NRG3: variants seen among roughly 807,000 people sequenced by gnomAD.
NRG3 encodes pro-neuregulin-3, membrane-bound isoform.
In NRG3, 31 loss-of-function variants were observed where a neutral mutation model predicts 66.9. That is an observed-to-expected ratio of 0.46 (90% confidence interval 0.35 to 0.63). The LOEUF (loss-of-function observed/expected upper bound fraction) is 0.63. NRG3 is among the 20% of genes least tolerant of loss of function. The pLI is 0.00. For missense variants in NRG3, 910 were observed against 878.9 expected, an observed-to-expected ratio of 1.04 and a Z score of -0.45; for synonymous variants, 393 against 359.4, an observed-to-expected ratio of 1.09 and a Z score of -1.06.
At chr10:82,943,364 A>C (rs1848732838) in intron 4 of NRG3, among the ~76,000 whole-genome samples, 1 of 152,192 alleles carries the variant, frequency 6.6e-6, no homozygotes, top group South Asian at 2.1e-4. Context: ...GAGTTGGCTC[A>C]GGGTAAGGGG....
At chr10:82,613,015 G>C (rs1294720593) in intron 2 of NRG3, among the ~76,000 whole-genome samples, 1 of 152,128 alleles carries the variant, frequency 6.6e-6, no homozygotes, top group Non-Finnish European at 1.5e-5. Flanking sequence ...TAGCTACTTA[G>C]ATGACAGAGT....
At chr10:82,763,846 T>A (rs936719673) in intron 3 of NRG3, among the ~76,000 whole-genome samples, 2 of 152,212 alleles carry the variant, frequency 1.3e-5, no homozygotes, top group African/African-American at 4.8e-5. Flanking sequence ...AGACTTCATG[T>A]AGAAAAAAAG....
chr10:82,063,809 G>C (rs1255582356), intron 1 of NRG3, among the ~76,000 whole-genome samples: 1 of 152,186 alleles, frequency 6.6e-6, no homozygotes, highest in East Asian at 1.9e-4. Context: ...GGGAGAGCAA[G>C]TCCCTCCCAC....
chr10:82,245,693 A>C (rs1460225484), intron 1 of NRG3, among the ~76,000 whole-genome samples: 1 of 152,194 alleles, frequency 6.6e-6, no homozygotes, highest in Non-Finnish European at 1.5e-5. Flanking sequence ...AAAAACATTC[A>C]ATTAATAGCA....
At chr10:82,935,697 A>G (rs1272521910) in intron 4 of NRG3, among the ~76,000 whole-genome samples, 2 of 152,038 alleles carry the variant, frequency 1.3e-5, no homozygotes, top group Non-Finnish European at 2.9e-5. Flanking sequence ...GATCTCAGCT[A>G]ACTGAAACCT....
At chr10:82,031,901 A>C (rs976444929) in intron 1 of NRG3, among the ~76,000 whole-genome samples, 2 of 151,924 alleles carry the variant, frequency 1.3e-5, no homozygotes, top group Non-Finnish European at 2.9e-5. Context: ...TTAGCCCTTA[A>C]TTTTCAGAAT....
chr10:82,334,677 G>T (rs2135316351), intron 1 of NRG3, among the ~76,000 whole-genome samples: 2 of 152,232 alleles, frequency 1.3e-5, no homozygotes, highest in South Asian at 2.1e-4. Flanking sequence ...ATATGAGGTG[G>T]ATGCAAATAT....
chr10:82,408,830 A>C (rs573083934), intron 2 of NRG3, among the ~76,000 whole-genome samples: 11 of 152,092 alleles, frequency 7.2e-5, no homozygotes, highest in African/African-American at 2.4e-4. Flanking sequence ...GGAGGAATAC[A>C]TTATTTATTG....
At chr10:82,528,295 C>A (rs997637761) in intron 2 of NRG3, among the ~76,000 whole-genome samples, 1 of 152,138 alleles carries the variant, frequency 6.6e-6, no homozygotes, top group African/African-American at 2.4e-5. Flanking sequence ...AGGGAAGTTA[C>A]ATCTGCTGGC....
chr10:82,960,919 C>T (rs893179031), intron 6 of NRG3, among the ~76,000 whole-genome samples: 3 of 152,078 alleles, frequency 2.0e-5, no homozygotes, highest in African/African-American at 7.2e-5. Context: ...TCTTTTTGGA[C>T]TCAGACCGCC....
At chr10:82,715,528 A>G (rs2134439716) in intron 2 of NRG3, among the ~76,000 whole-genome samples, 1 of 152,302 alleles carries the variant, frequency 6.6e-6, no homozygotes, top group Non-Finnish European at 1.5e-5. Context: ...TCAAATACAT[A>G]TTTACATTCT....
intron 1 of NRG3, among the ~76,000 whole-genome samples, chr10:82,197,284 T>A (rs1176731667): frequency 1.3e-5 from 2 of 152,152 alleles, no homozygotes; most frequent in East Asian, 3.9e-4. Context: ...AAGTCTTATT[T>A]TTTTCAAAGA....
At chr10:82,915,457 T>G (rs12267429) in intron 4 of NRG3, among the ~76,000 whole-genome samples, 54,468 of 152,032 alleles carry the variant, frequency 0.36, 10,188 homozygotes, top group East Asian at 0.53. Flanking sequence ...GATAATTTCA[T>G]ATTTGAAATA....
At chr10:82,438,630 T>A (rs1416105739) in intron 2 of NRG3, among the ~76,000 whole-genome samples, 2 of 152,206 alleles carry the variant, frequency 1.3e-5, no homozygotes, top group Admixed American at 1.3e-4. Context: ...CAATCTGCGC[T>A]TTCTGGGGTT....
intron 2 of NRG3, among the ~76,000 whole-genome samples, chr10:82,517,607 G>GTC (rs771355098): frequency 1.3e-3 from 187 of 140,174 alleles, no homozygotes; most frequent in African/African-American, 4.9e-3. Context: ...TTCACTCCTT[G>GTC]TCTCTCTCTC....
intron 1 of NRG3, among the ~76,000 whole-genome samples, chr10:82,125,018 C>T (rs920250531): frequency 6.6e-6 from 1 of 151,992 alleles, no homozygotes; most frequent in East Asian, 1.9e-4. Flanking sequence ...CCTGTATATT[C>T]TCAATATTCA....
rs531105265 is a variant in NRG3, at chr10:82,279,759, T to C, written c.824-78980T>C. Among the ~76,000 whole-genome samples, 5 of 152,292 alleles carry C rather than the reference T, an allele frequency of 3.3e-5. No individual in the cohort carries two copies. In the East Asian group the frequency reaches 5.8e-4, roughly 18 times the overall value. ...CAGTGAATGCCATGTGTTGATGTGA[T>C]TGATGAATTATAATTAACCTTGGCA... is the stretch of plus-strand genomic sequence containing the variant. On this transcript the variant is annotated intron_variant, in intron 1 of 8. Coordinates refer to ENST00000372141, the MANE Select transcript of NRG3 (RefSeq NM_001010848.4).
chr10:82,128,501 G>A (rs924638324), intron 1 of NRG3, among the ~76,000 whole-genome samples: 1 of 151,988 alleles, frequency 6.6e-6, no homozygotes, highest in Non-Finnish European at 1.5e-5. Context: ...CCATTTAGAG[G>A]TTAGATTATG....
At chr10:82,893,769 A>G in intron 4 of NRG3, among the ~76,000 whole-genome samples, 1 of 152,238 alleles carries the variant, frequency 6.6e-6, no homozygotes, top group East Asian at 1.9e-4. Context: ...GTTTACAGGT[A>G]AATTTATGAA....
Sources: gnomAD v4.1 joint callset for allele counts (sites outside exome capture counted in the v4.1 genomes callset) on GRCh38, gnomAD v4.1.1 for gene constraint, MANE v1.5 for transcripts, NCBI Gene and HGNC (gene_info 2026-07-23, HGNC 2026-07-21) for gene names.